The following ATP8B4 variants were observed in gnomAD, a reference collection of about 807,000 sequenced individuals.
ATP8B4 encodes ATPase phospholipid transporting 8B4 (putative), also known as probable phospholipid-transporting ATPase IM.
A neutral mutation model predicts 145.6 loss-of-function variants in ATP8B4; 133 were observed. The ratio of observed to expected loss-of-function variants is 0.91; its 90% CI spans 0.79 to 1.05. The LOEUF (loss-of-function observed/expected upper bound fraction) is 1.05, where lower values mean the gene tolerates loss of function less well. Among genes scored for constraint, ATP8B4 ranks in the 50% least tolerant of loss-of-function variants. The pLI is 0.00. For missense variants in ATP8B4, 1,458 were observed against 1,425.2 expected (o/e 1.02, Z -0.37); for synonymous variants, 507 against 492.9 (o/e 1.03, Z -0.38).
At chr15:49,982,088 T>G (rs1173876744) in intron 10 of ATP8B4, among the ~76,000 whole-genome samples, 1 of 152,172 alleles carries the variant, frequency 6.6e-6, no homozygotes, top group Admixed American at 6.6e-5. Flanking sequence ...GTGTTTCCTC[T>G]TCACATATTC....
intron 23 of ATP8B4, among the ~76,000 whole-genome samples, chr15:49,884,936 C>T (rs962764524): frequency 1.3e-5 from 2 of 152,200 alleles, no homozygotes; most frequent in African/African-American, 2.4e-5. Context: ...AAACCACCCC[C>T]ACTGGTCTGT....
Position 50,105,552 on chromosome 15 carries a change from T to C in ATP8B4, c.28+1387A>G, listed in dbSNP as rs1038741683. Among the ~76,000 whole-genome samples, 25 of 152,258 alleles carry C rather than the reference T, an allele frequency of 1.6e-4. 1 individual carries two copies. The highest frequency in any genetic ancestry group is 6.0e-4 in the African/African-American group (25 of 41,572). ...TAAGTTTAAAGAGGAGGTTTCAAAA[T>C]AATGTACAGGATAATTCCATTTGGG... is the stretch of plus-strand genomic sequence containing the variant. On this transcript the variant is annotated intron_variant, in intron 2 of 27. Coordinates refer to ENST00000284509, the MANE Select transcript of ATP8B4 (RefSeq NM_024837.4).
rs531883494 is a variant in ATP8B4, at chr15:49,869,729, T to C, written c.3028-3245A>G. On this transcript the variant is annotated intron_variant, in intron 25 of 27. Transcript: ENST00000284509. Reference sequence around the variant, plus strand: ...TCTTCTGGAAGTCTATGGCGAACCTTTTGGCAACCCGTCCCCAGGGTGATG... The same window carrying C: ...TCTTCTGGAAGTCTATGGCGAACCTCTTGGCAACCCGTCCCCAGGGTGATG... 2.0e-5 allele frequency among the ~76,000 whole-genome samples: 3 copies of C among 152,294 alleles called. No homozygotes were observed. In the East Asian group the frequency reaches 5.8e-4, roughly 29 times the overall value.
intron 13 of ATP8B4, among the ~76,000 whole-genome samples, chr15:49,963,908 GA>G (rs370266731): frequency 2.4e-4 from 35 of 144,184 alleles, no homozygotes; most frequent in African/African-American, 5.3e-4. Context: ...CTTAAAAGTT[GA>G]AAAAAAAAAA....
intron 8 of ATP8B4, among the ~76,000 whole-genome samples, chr15:50,001,909 T>C (rs756714696): frequency 1.2e-4 from 19 of 152,198 alleles, no homozygotes; most frequent in Non-Finnish European, 2.4e-4. Context: ...CTAAGGAATC[T>C]TACTGAAGAT....
chr15:50,168,549 A>C (rs2044626630), intron 1 of ATP8B4, among the ~76,000 whole-genome samples: 1 of 152,170 alleles, frequency 6.6e-6, no homozygotes, highest in Admixed American at 6.5e-5. Context: ...GCCCTCAAGC[A>C]GCCCATTCCT....
intron 22 of ATP8B4, 55 bp from the exon 23 acceptor site, chr15:49,897,570 G>GGAAACTTGT (rs1340242891): frequency 1.5e-6 from 2 of 1,375,624 alleles, no homozygotes; most frequent in Non-Finnish European, 1.9e-6. Context: ...GATCTCTTTT[G>GGAAACTTGT]GAAACTTGTC....
At chr15:50,124,157 A>G (rs1001771871), upstream of ATP8B4, among the ~76,000 whole-genome samples, 1 of 152,128 alleles carries the variant, frequency 6.6e-6, no homozygotes, top group African/African-American at 2.4e-5. Context: ...CTAAAAAGAA[A>G]GTATAGTTTT....
chr15:50,050,621 T>TA (rs971614328), intron 3 of ATP8B4, among the ~76,000 whole-genome samples: 118 of 145,988 alleles, frequency 8.1e-4, no homozygotes, highest in African/African-American at 1.6e-3. Flanking sequence ...AAATATACAT[T>TA]AAAAAAAAAA....
At chr15:50,170,806 C>T (rs940438356) in intron 1 of ATP8B4, among the ~76,000 whole-genome samples, 5 of 152,202 alleles carry the variant, frequency 3.3e-5, no homozygotes, top group African/African-American at 1.2e-4. Context: ...CTGCTGCTTT[C>T]AGGAGACTCA....
chr15:50,170,874 T>C (rs1222055879), intron 1 of ATP8B4, among the ~76,000 whole-genome samples: 1 of 152,174 alleles, frequency 6.6e-6, no homozygotes, highest in Admixed American at 6.5e-5. Context: ...AGGTGTTTCA[T>C]GCAAATGGAC....
chr15:50,037,825 A>G (rs2050952524), intron 6 of ATP8B4, among the ~76,000 whole-genome samples: 1 of 152,222 alleles, frequency 6.6e-6, no homozygotes, highest in Non-Finnish European at 1.5e-5. Flanking sequence ...AAAACAAGCC[A>G]AAAGAAAAAC....
chr15:50,027,060 C>T (rs998272761), intron 6 of ATP8B4, among the ~76,000 whole-genome samples: 1 of 152,116 alleles, frequency 6.6e-6, no homozygotes. Context: ...ATTAGCTGTT[C>T]AATGGCTGAC....
intron 12 of ATP8B4, among the ~76,000 whole-genome samples, chr15:49,974,625 TTTAGA>T (rs2045509937): frequency 6.6e-6 from 1 of 152,194 alleles, no homozygotes; most frequent in East Asian, 1.9e-4. Flanking sequence ...TGTAGTTTTG[TTTAGA>T]TATGTCTTCT....
Position 49,897,461 on chromosome 15 carries a change from G to A in ATP8B4, c.2528C>T (p.Ala843Val). Residue 843 changes from alanine (A) to valine (V), a missense_variant, in exon 23 of 28, where the codon GCC becomes GTC. By Grantham distance (64) the Ala-to-Val change is moderately conservative. Coordinates refer to ENST00000284509, the MANE Select transcript of ATP8B4 (RefSeq NM_024837.4). ...AAACTGTGCAAATGAATAGTCGCTG[G>A]CTAAGACTGCTTGCAATCCTTCCTG... is the stretch of plus-strand genomic sequence containing the variant. ...SGQEGLQAVL[A>V]SDYSFAQFRY... The A allele has an allele frequency of 6.3e-7, 1 of 1,596,350 alleles. No homozygotes were observed. The highest frequency in any genetic ancestry group is 1.1e-5 in the South Asian group (1 of 87,818).
At chr15:50,113,077 C>G (rs2057028107) in intron 1 of ATP8B4, 1 of 152,850 alleles carries the variant, frequency 6.5e-6, no homozygotes, top group Admixed American at 6.5e-5. Flanking sequence ...CTTCCTCCCT[C>G]TGGCCCTAGG....
chr15:50,035,680 CAGG>C (rs1396814835), intron 6 of ATP8B4, among the ~76,000 whole-genome samples: 1 of 152,198 alleles, frequency 6.6e-6, no homozygotes, highest in East Asian at 1.9e-4. Context: ...CTCCTGAGCA[CAGG>C]AGAAGGGGTA....
chr15:49,982,053 GT>G (rs1436854588), intron 10 of ATP8B4, among the ~76,000 whole-genome samples: 1 of 152,114 alleles, frequency 6.6e-6, no homozygotes, highest in Non-Finnish European at 1.5e-5. Flanking sequence ...AAGCAATTAA[GT>G]TTTAATTAAA....
At chr15:50,105,377 A>T (rs1287751351) in intron 2 of ATP8B4, among the ~76,000 whole-genome samples, 2 of 152,152 alleles carry the variant, frequency 1.3e-5, no homozygotes, top group Non-Finnish European at 2.9e-5. Context: ...TTGTATAATT[A>T]AGGTGAAGGG....
Sources: allele counts gnomAD v4.1 joint callset (sites outside exome capture counted in the v4.1 genomes callset), GRCh38; gene constraint gnomAD v4.1.1; transcripts MANE v1.5; gene names NCBI Gene and HGNC (gene_info 2026-07-23, HGNC 2026-07-21).